Variants in CP observed in about 807,000 individuals in gnomAD.
CP encodes the protein caeruloplasmin.
A neutral mutation model predicts 122.4 loss-of-function variants in CP; 64 were observed. The observed-to-expected ratio is 0.52, with a 90% CI of 0.43 to 0.64. CP has a LOEUF of 0.64. Ranked by LOEUF, CP falls within the 30% of genes least tolerant of loss-of-function variation. The pLI, the probability that CP is intolerant of heterozygous loss-of-function variation, is 0.00. For synonymous variants in CP, 440 were observed against 436.4 expected, an observed-to-expected ratio of 1.01 and a Z score of -0.10; for missense variants, 1,167 against 1,284.4, an observed-to-expected ratio of 0.91 and a Z score of 1.40.
chr3:149,194,212 T>C (rs1726735000), intron 9 of CP, among the ~76,000 whole-genome samples: 1 of 151,642 alleles, frequency 6.6e-6, no homozygotes. Context: ...TTTTTTCAAT[T>C]ACATATTTAA....
intron 14 of CP, among the ~76,000 whole-genome samples, chr3:149,180,469 T>C (rs1725705691): frequency 1.3e-5 from 2 of 152,274 alleles, no homozygotes; most frequent in South Asian, 4.1e-4. Context: ...AGGCCTCAAC[T>C]TTTGGCCATG....
chr3:149,215,104 C>T (rs1728379548), intron 1 of CP, among the ~76,000 whole-genome samples: 1 of 152,198 alleles, frequency 6.6e-6, no homozygotes, highest in Non-Finnish European at 1.5e-5. Flanking sequence ...TTTACCATGT[C>T]CTATTGGTAC....
chr3:149,196,612 G>T (rs1043520049), intron 9 of CP, among the ~76,000 whole-genome samples: 5 of 152,132 alleles, frequency 3.3e-5, no homozygotes, highest in African/African-American at 1.2e-4. Context: ...TAAAAATAAA[G>T]GAGTCAACCT....
chr3:149,164,218 A>G (rs1265976235), intron 5 of CP, among the ~76,000 whole-genome samples: 1 of 152,196 alleles, frequency 6.6e-6, no homozygotes, highest in Non-Finnish European at 1.5e-5. Context: ...CCTCATTTTC[A>G]GGATGGGCTT....
rs1375162569 is a variant in CP at position 149,186,593 on chromosome 3, T to C, written c.2004A>G (p.Arg668=). The change falls in exon 11 of 19, where the codon AGA becomes AGG. Residue 668 remains arginine (R), a synonymous_variant. Coordinates refer to ENST00000264613, the MANE Select transcript of CP (RefSeq NM_000096.4). ...IYFSGNTYLW[R]GERRDTANLF... The stretch of plus-strand genomic sequence containing the variant: ...GGTTTGCTGTGTCTCTCCGTTCTCC[T>C]CTCCACAGATATGTGTTTCCTGAAA... The C allele has an allele frequency of 9.9e-6, 16 of 1,614,058 alleles. No individual in the cohort carries two copies. The highest frequency in any genetic ancestry group is 1.3e-5 in the Non-Finnish European group (15 of 1,180,018).
chr3:149,213,109 ATAAT>A (rs1457233951), intron 1 of CP, among the ~76,000 whole-genome samples: 1 of 152,218 alleles, frequency 6.6e-6, no homozygotes, highest in Non-Finnish European at 1.5e-5. Context: ...ATTTGAGTTT[ATAAT>A]TAATCAATCT....
In CP at chr3:149,207,346, A is replaced by G. The variant is rs1727805650; in HGVS notation, c.1036+17T>C. 1 of 1,613,790 alleles carries G rather than the reference A, an allele frequency of 6.2e-7. No homozygotes were observed. The highest frequency in any genetic ancestry group is 2.2e-5 in the East Asian group (1 of 44,888). On this transcript the variant is annotated intron_variant, in intron 5 of 18. Transcript: ENST00000264613. ...CCTTTTTCAGCTGACTGCTAATTTC[A>G]GGTAAAGATGTCCTACCTTTCAGAT...
intron 5 of CP, among the ~76,000 whole-genome samples, chr3:149,164,659 C>T (rs542502592): frequency 1.3e-5 from 2 of 152,304 alleles, no homozygotes; most frequent in East Asian, 3.9e-4. Context: ...ATTAAGAATT[C>T]TGAGTTTCAA....
chr3:149,182,121 T>C lies in CP; in HGVS notation c.2438A>G (p.His813Arg). 1 of 1,613,960 alleles carries C rather than the reference T, an allele frequency of 6.2e-7. No homozygotes were observed. Among genetic ancestry groups the C allele is most frequent in the Non-Finnish European group, 8.5e-7 (1 of 1,179,850 alleles). The change falls in exon 14 of 19, where the codon CAT becomes CGT. Residue 813 changes from histidine (H) to arginine (R), a missense_variant. Around this residue, in one of 2 missense-constraint regions of CP, gnomAD observed 525 missense variants for 657.2 expected, o/e 0.80. Coordinates refer to ENST00000264613, the MANE Select transcript of CP (RefSeq NM_000096.4). ...EHLGILGPQL[H>R]ADVGDKVKII... Reference sequence around the variant, plus strand: ...TTTGACTTTGTCTCCAACATCTGCATGAAGTTGTGGACCTGGCAAAAGTGA... The same window carrying C: ...TTTGACTTTGTCTCCAACATCTGCACGAAGTTGTGGACCTGGCAAAAGTGA...
chr3:149,198,647 A>G (rs1024685665), intron 8 of CP, 69 bp from the exon 9 acceptor site: 2 of 1,374,926 alleles, frequency 1.5e-6, no homozygotes, highest in Non-Finnish European at 2.0e-6. Context: ...CACAAAGTAG[A>G]CTAAGTTTAG....
At chr3:149,168,394 A>G (rs914426588), downstream of CP, 3 of 196,640 alleles carry the variant, frequency 1.5e-5, no homozygotes, top group Admixed American at 5.4e-5. Context: ...CAAGGATTTA[A>G]AAGTTGAGTA....
intron 2 of CP, among the ~76,000 whole-genome samples, chr3:149,211,576 A>G (rs1728102448): frequency 6.6e-6 from 1 of 152,234 alleles, no homozygotes; most frequent in African/African-American, 2.4e-5. Context: ...TCCAAGTCCT[A>G]CATTCAAATG....
rs752466899 is a variant in CP at position 149,202,134 on chromosome 3, C to G, written c.1316G>C (p.Arg439Thr). The G allele has an allele frequency of 6.2e-7, 1 of 1,614,014 alleles. No homozygotes were observed. ...GCCAAGATGCTCTTCTTCAGGGCCT[C>G]TCTCCTTTCGATTTGTGAAGGAGGC... ...TDASFTNRKE[R>T]GPEEEHLGIL... The change falls in exon 7 of 19, where the codon AGA (arginine) becomes ACA (threonine). Residue 439 changes from arginine to threonine, a missense_variant. This residue lies in a region of CP where 642 missense variants were observed against 627.3 expected (regional missense o/e 1.02). Coordinates refer to ENST00000264613, the MANE Select transcript of CP (RefSeq NM_000096.4).
At chr3:149,215,740 C>G (rs542291976) in intron 1 of CP, among the ~76,000 whole-genome samples, 1 of 152,324 alleles carries the variant, frequency 6.6e-6, no homozygotes, top group African/African-American at 2.4e-5. Flanking sequence ...CCACAAGAAT[C>G]TATTATAGCT....
At chr3:149,192,562 CA>C (rs1156940690) in intron 9 of CP, among the ~76,000 whole-genome samples, 1 of 146,836 alleles carries the variant, frequency 6.8e-6, no homozygotes, top group African/African-American at 2.5e-5. Context: ...GGCAAACAAA[CA>C]AAAAAGTAAA....
In CP at chr3:149,206,239, C is replaced by T; in HGVS notation, c.1137G>A (p.Glu379=). ...KHVRHYYIAA[E]EIIWNYAPSG... is the part of the protein sequence containing the mutation. The stretch of plus-strand genomic sequence containing the variant: ...AGGGAGCATAGTTCCAGATGATTTC[C>T]TCAGCGGCAATGTAGTAGTGTCTAA... The change falls in exon 6 of 19, where the codon GAG becomes GAA. Residue 379 remains glutamate (E), a synonymous_variant. Coordinates refer to ENST00000264613, the MANE Select transcript of CP (RefSeq NM_000096.4). 1 of 1,613,954 alleles carries T rather than the reference C, an allele frequency of 6.2e-7. No homozygotes were observed. Among genetic ancestry groups the T allele is most frequent in the Non-Finnish European group, 8.5e-7 (1 of 1,179,902 alleles).
Position 149,178,484 on chromosome 3 carries a change from T to C in CP, c.2809A>G (p.Thr937Ala). Residue 937 changes from threonine (T) to alanine (A), a missense_variant, in exon 16 of 19, where the codon ACA becomes GCA. By Grantham distance (58) the Thr-to-Ala change is moderately conservative. Around this residue, in one of 2 missense-constraint regions of CP, gnomAD observed 525 missense variants for 657.2 expected, o/e 0.80. Coordinates refer to ENST00000264613, the MANE Select transcript of CP (RefSeq NM_000096.4). The stretch of plus-strand genomic sequence containing the variant: ...ACTTTCTCGGGGTGATCAGAGTATG[T>C]TTTGATGTTGTCATCTAAGTACCAA... ...ESWYLDDNIK[T>A]YSDHPEKVNK... 1.2e-6 allele frequency: 2 copies of C among 1,613,788 alleles called. No individual in the cohort carries two copies. The highest frequency in any genetic ancestry group is 1.7e-6 in the Non-Finnish European group (2 of 1,179,710).
chr3:149,162,985 C>T, intron 5 of CP: 1 of 957,382 alleles, frequency 1.0e-6, no homozygotes, highest in Non-Finnish European at 1.6e-6. Context: ...TTTTCTATTA[C>T]CAGGTATCTT....
At chr3:149,188,946 A>C (rs942409502) in intron 9 of CP, among the ~76,000 whole-genome samples, 1 of 152,206 alleles carries the variant, frequency 6.6e-6, no homozygotes, top group Non-Finnish European at 1.5e-5. Flanking sequence ...AATTGAAAAA[A>C]ATCAAACTAA....
Sources: gnomAD v4.1 joint callset for allele counts (sites outside exome capture counted in the v4.1 genomes callset) on GRCh38, gnomAD v4.1.1 for gene constraint, gnomAD v4.1.1 regional missense constraint, MANE v1.5 for transcripts, NCBI Gene and HGNC (gene_info 2026-07-23, HGNC 2026-07-21) for gene names.